KCNN2: variants seen among roughly 807,000 people sequenced by gnomAD.
KCNN2 encodes the protein potassium calcium-activated channel subfamily N member 2.
KCNN2 carries 24 observed loss-of-function variants against 55.5 expected under a neutral mutation model. The observed-to-expected ratio is 0.43, with a 90% CI of 0.31 to 0.61. The LOEUF is 0.61. Ranked by LOEUF, KCNN2 falls within the 20% of genes least tolerant of loss-of-function variation. The pLI is 0.08. For synonymous variants in KCNN2, 431 were observed against 336.1 expected (o/e 1.28, Z -3.09); for missense variants, 754 against 853.6 (o/e 0.88, Z 1.45).
At chr5:114,173,855 T>C (rs1476092237) in intron 1 of KCNN2, among the ~76,000 whole-genome samples, 1 of 152,014 alleles carries the variant, frequency 6.6e-6, no homozygotes, top group African/African-American at 2.4e-5. Flanking sequence ...AAATCATTAG[T>C]GATACTAGCA....
chr5:114,427,651 C>G (rs1759668924), intron 3 of KCNN2, among the ~76,000 whole-genome samples: 1 of 152,202 alleles, frequency 6.6e-6, no homozygotes, highest in Non-Finnish European at 1.5e-5. Flanking sequence ...GGAACATTTC[C>G]TTGCAGCTGT....
intron 2 of KCNN2, among the ~76,000 whole-genome samples, chr5:114,398,015 A>G (rs1306172597): frequency 6.6e-5 from 10 of 152,180 alleles, no homozygotes; most frequent in Non-Finnish European, 7.3e-5. Context: ...TTTGCTCTGC[A>G]GAAACTCTTT....
intron 3 of KCNN2, among the ~76,000 whole-genome samples, chr5:114,434,752 C>T (rs754284541): frequency 2.8e-4 from 43 of 152,082 alleles, no homozygotes; most frequent in Non-Finnish European, 6.0e-4. Context: ...TTTCCTCTCC[C>T]ATTTAGATGC....
At chr5:114,202,691 A>T (rs903663011) in intron 1 of KCNN2, among the ~76,000 whole-genome samples, 1 of 146,884 alleles carries the variant, frequency 6.8e-6, no homozygotes, top group African/African-American at 2.5e-5. Context: ...GGTTCACGCC[A>T]TTCTCCTGCC....
At chr5:114,096,649 C>G (rs934592009) in intron 1 of KCNN2, among the ~76,000 whole-genome samples, 1 of 152,120 alleles carries the variant, frequency 6.6e-6, no homozygotes, top group African/African-American at 2.4e-5. Flanking sequence ...CTCTCTCCCT[C>G]GTGGTACTCC....
chr5:114,181,045 G>T (rs112257778), intron 1 of KCNN2, among the ~76,000 whole-genome samples: 18 of 152,068 alleles, frequency 1.2e-4, no homozygotes, highest in African/African-American at 4.1e-4. Context: ...GAGCTACCTT[G>T]GCTGTTTCCA....
At chr5:114,180,864 C>T (rs1580595189) in intron 1 of KCNN2, among the ~76,000 whole-genome samples, 1 of 152,152 alleles carries the variant, frequency 6.6e-6, no homozygotes, top group Non-Finnish European at 1.5e-5. Context: ...TCTAGAACTT[C>T]ATATCAAATG....
chr5:114,065,559 C>T (rs1236296729), intron 1 of KCNN2, among the ~76,000 whole-genome samples: 1 of 152,172 alleles, frequency 6.6e-6, no homozygotes, highest in Non-Finnish European at 1.5e-5. Flanking sequence ...AGAATCTCAG[C>T]CATATGCTTA....
chr5:114,290,957 CA>C (rs1301357931), intron 2 of KCNN2, among the ~76,000 whole-genome samples: 2 of 151,938 alleles, frequency 1.3e-5, no homozygotes, highest in African/African-American at 4.8e-5. Flanking sequence ...TATATGGTTG[CA>C]ATCCTTTTAA....
At chr5:114,291,977 C>T (rs185787945) in intron 2 of KCNN2, among the ~76,000 whole-genome samples, 24,866 of 152,106 alleles carry the variant, frequency 0.16, 3,522 homozygotes, top group East Asian at 0.81. Flanking sequence ...TTTTTGGCTG[C>T]ATAAATGTCT....
intron 1 of KCNN2, among the ~76,000 whole-genome samples, chr5:114,139,397 C>T (rs1378735426): frequency 6.6e-6 from 1 of 151,358 alleles, no homozygotes; most frequent in Non-Finnish European, 1.5e-5. Flanking sequence ...GTCTGGCTTC[C>T]TCTCCACTTC....
intron 3 of KCNN2, among the ~76,000 whole-genome samples, chr5:114,433,342 T>A (rs1341498842): frequency 6.6e-6 from 1 of 152,144 alleles, no homozygotes; most frequent in Non-Finnish European, 1.5e-5. Context: ...GTGTGGACAC[T>A]CTGTATCTGT....
intron 1 of KCNN2, among the ~76,000 whole-genome samples, chr5:114,192,826 C>G (rs1017137138): frequency 2.0e-5 from 3 of 152,116 alleles, no homozygotes; most frequent in Non-Finnish European, 4.4e-5. Flanking sequence ...ACAAAATCCT[C>G]TAAGCTTCTG....
intron 1 of KCNN2, among the ~76,000 whole-genome samples, chr5:114,180,274 C>T (rs988710859): frequency 1.3e-5 from 2 of 152,114 alleles, no homozygotes; most frequent in Non-Finnish European, 2.9e-5. Context: ...TCAGTCACTA[C>T]TACCGAGTCT....
In KCNN2 at chr5:114,363,274, AC is replaced by A. The variant is rs1263388999; in HGVS notation, c.1122+17del. ...CGCCTACGACAAGGTACAGGCTTGA[AC>A]CCCAGCCCACGCTACCGGAGTCGGG... On this transcript the variant is annotated intron_variant, in intron 1 of 7. Transcript: ENST00000673685. The A allele has an allele frequency of 1.3e-6, 2 of 1,577,254 alleles. No homozygotes were observed. The highest frequency in any genetic ancestry group is 2.7e-5 in the African/African-American group (2 of 73,822).
chr5:114,399,772 C>G (rs1360874029), intron 2 of KCNN2, among the ~76,000 whole-genome samples: 3 of 151,958 alleles, frequency 2.0e-5, no homozygotes, highest in African/African-American at 7.3e-5. Flanking sequence ...ATTACTGATT[C>G]CATTTTGGAA....
chr5:114,480,383 A>G (rs1762173253), intron 5 of KCNN2, among the ~76,000 whole-genome samples: 1 of 152,142 alleles, frequency 6.6e-6, no homozygotes, highest in South Asian at 2.1e-4. Flanking sequence ...CCTACCAACC[A>G]AAAACCCAGG....
intron 1 of KCNN2, among the ~76,000 whole-genome samples, chr5:114,141,863 G>A (rs1317421841): frequency 2.0e-5 from 3 of 152,262 alleles, no homozygotes; most frequent in Non-Finnish European, 4.4e-5. Flanking sequence ...ATTTTGATTT[G>A]CATTTCTCTG....
intron 2 of KCNN2, among the ~76,000 whole-genome samples, chr5:114,342,353 T>A (rs774255790): frequency 1.3e-5 from 2 of 152,132 alleles, no homozygotes; most frequent in African/African-American, 2.4e-5. Flanking sequence ...CCTGAGAGCT[T>A]ACATTTTATA....
Sources: gnomAD v4.1 joint callset for allele counts (sites outside exome capture counted in the v4.1 genomes callset) on GRCh38, gnomAD v4.1.1 for gene constraint, MANE v1.5 for transcripts, NCBI Gene and HGNC (gene_info 2026-07-23, HGNC 2026-07-21) for gene names.